Variants in OPCML observed in about 807,000 individuals in gnomAD.
OPCML encodes the protein opioid binding protein/cell adhesion molecule like.
A neutral mutation model predicts 37.8 loss-of-function variants in OPCML; 13 were observed. The observed-to-expected ratio is 0.34, with a 90% CI of 0.22 to 0.55. The LOEUF (loss-of-function observed/expected upper bound fraction) is 0.55, where lower values mean the gene tolerates loss of function less well. Ranked by LOEUF, OPCML falls within the 20% of genes least tolerant of loss-of-function variation. OPCML has a pLI of 0.91. For missense variants in OPCML, 341 were observed against 435.6 expected, an observed-to-expected ratio of 0.78 and a Z score of 1.93; for synonymous variants, 176 against 168.8, an observed-to-expected ratio of 1.04 and a Z score of -0.33.
At chr11:133,185,244 A>G (rs1938018994) in intron 1 of OPCML, among the ~76,000 whole-genome samples, 1 of 152,238 alleles carries the variant, frequency 6.6e-6, no homozygotes. Context: ...CTCCAATTAC[A>G]TTAGGATAAT....
chr11:133,131,240 A>T (rs1949599541), intron 1 of OPCML, among the ~76,000 whole-genome samples: 1 of 152,176 alleles, frequency 6.6e-6, no homozygotes, highest in Non-Finnish European at 1.5e-5. Flanking sequence ...TATTTCCTAC[A>T]GTTGTTTATA....
chr11:133,375,687 C>T (rs4466849), intron 1 of OPCML, among the ~76,000 whole-genome samples: 49,494 of 151,840 alleles, frequency 0.33, 9,858 homozygotes, highest in African/African-American at 0.57. Flanking sequence ...TGAGCTGCTG[C>T]TATGGCCTTA....
chr11:132,619,975 C>T (rs1939303327), intron 3 of OPCML, among the ~76,000 whole-genome samples: 2 of 151,916 alleles, frequency 1.3e-5, no homozygotes, highest in Admixed American at 1.3e-4. Flanking sequence ...TTTAGCATGT[C>T]ACCTTAAAAA....
intron 1 of OPCML, among the ~76,000 whole-genome samples, chr11:133,003,310 G>A (rs761750331): frequency 4.6e-5 from 7 of 152,076 alleles, no homozygotes; most frequent in African/African-American, 7.2e-5. Context: ...AAGGCTCCAG[G>A]GAAGCCTTTC....
intron 1 of OPCML, among the ~76,000 whole-genome samples, chr11:133,080,986 G>C (rs563301542): frequency 6.6e-6 from 1 of 152,076 alleles, no homozygotes; most frequent in Non-Finnish European, 1.5e-5. Flanking sequence ...GGGGCTTACC[G>C]CCAGGCCTTA....
chr11:132,970,118 G>C (rs540200942), intron 1 of OPCML, among the ~76,000 whole-genome samples: 1 of 152,180 alleles, frequency 6.6e-6, no homozygotes, highest in East Asian at 1.9e-4. Context: ...TGGTTTCCAG[G>C]TCATGGTGCC....
chr11:132,448,139 C>G (rs1003043329), intron 4 of OPCML, among the ~76,000 whole-genome samples: 8 of 152,172 alleles, frequency 5.3e-5, no homozygotes, highest in Admixed American at 4.6e-4. Flanking sequence ...GGGGAAATGC[C>G]CTTTTGAGGA....
At chr11:133,322,803 G>T (rs570663249) in intron 1 of OPCML, among the ~76,000 whole-genome samples, 4 of 152,246 alleles carry the variant, frequency 2.6e-5, no homozygotes, top group Admixed American at 2.0e-4. Flanking sequence ...AGTTCAAGCT[G>T]TCATCTCCCC....
chr11:133,326,367 T>G (rs1592203328), intron 1 of OPCML, among the ~76,000 whole-genome samples: 13 of 62,102 alleles, frequency 2.1e-4, no homozygotes, highest in Non-Finnish European at 3.1e-4. Flanking sequence ...TGGGGGTGTA[T>G]GTGTTTGGGG....
chr11:132,874,240 A>G (rs1029477277), intron 2 of OPCML, among the ~76,000 whole-genome samples: 1 of 152,172 alleles, frequency 6.6e-6, no homozygotes, highest in African/African-American at 2.4e-5. Flanking sequence ...TCAGTGATAA[A>G]CTATCAGAGC....
intron 1 of OPCML, among the ~76,000 whole-genome samples, chr11:133,198,087 C>T (rs1300274382): frequency 6.6e-6 from 1 of 152,202 alleles, no homozygotes; most frequent in Non-Finnish European, 1.5e-5. Flanking sequence ...ATTTTTCAAC[C>T]TTCCTAGAAT....
chr11:133,413,433 C>T (rs1052610292), intron 1 of OPCML, among the ~76,000 whole-genome samples: 21 of 151,626 alleles, frequency 1.4e-4, no homozygotes, highest in Admixed American at 7.9e-4. Context: ...ACATATGTAA[C>T]TAACCTGCAC....
At chr11:133,307,104 C>T (rs1454885509) in intron 1 of OPCML, among the ~76,000 whole-genome samples, 1 of 152,114 alleles carries the variant, frequency 6.6e-6, no homozygotes, top group Non-Finnish European at 1.5e-5. Context: ...CTGTTCCTCC[C>T]CTCCTTCCCT....
chr11:133,077,826 A>G (rs2137023355), intron 1 of OPCML, among the ~76,000 whole-genome samples: 1 of 152,328 alleles, frequency 6.6e-6, no homozygotes, highest in Admixed American at 6.5e-5. Flanking sequence ...ATGCCCATCT[A>G]CCGGCCACAG....
At chr11:132,871,352 A>G (rs1231314944) in intron 2 of OPCML, among the ~76,000 whole-genome samples, 1 of 152,208 alleles carries the variant, frequency 6.6e-6, no homozygotes, top group Non-Finnish European at 1.5e-5. Flanking sequence ...CCCCATAAAT[A>G]TGTACAAATA....
chr11:132,569,699 A>G (rs2096432815), intron 3 of OPCML, among the ~76,000 whole-genome samples: 1 of 152,232 alleles, frequency 6.6e-6, no homozygotes, highest in African/African-American at 2.4e-5. Context: ...GTAGGCTGTC[A>G]TAGAAAATCT....
At chr11:132,566,497 G>A (rs942590774) in intron 3 of OPCML, among the ~76,000 whole-genome samples, 2 of 152,168 alleles carry the variant, frequency 1.3e-5, no homozygotes, top group Non-Finnish European at 2.9e-5. Context: ...CTAACTTACT[G>A]GGTTAAAATG....
chr11:133,518,666 G>A (rs55708280), intron 1 of OPCML, among the ~76,000 whole-genome samples: 3,983 of 144,696 alleles, frequency 0.028, 18 homozygotes, highest in South Asian at 0.072. Context: ...GTGGGCAGTG[G>A]CAGGTGCTGG....
At chr11:132,725,778 CAAAAA>C (rs34622834) in intron 2 of OPCML, among the ~76,000 whole-genome samples, 5 of 73,950 alleles carry the variant, frequency 6.8e-5, no homozygotes, top group African/African-American at 8.4e-5. Flanking sequence ...GACTCCATCT[CAAAAA>C]AAAAAAAAAA....
Sources: allele counts gnomAD v4.1 joint callset (sites outside exome capture counted in the v4.1 genomes callset), GRCh38; gene constraint gnomAD v4.1.1; transcripts MANE v1.5; gene names NCBI Gene and HGNC (gene_info 2026-07-23, HGNC 2026-07-21).